INTS9: variants seen among roughly 807,000 people sequenced by gnomAD.
The protein encoded by INTS9 is protein related to CPSF subunits of 74 kDa.
Under a neutral mutation model 79.7 loss-of-function variants are expected in INTS9, and 55 were observed. The ratio of observed to expected loss-of-function variants is 0.69; its 90% CI spans 0.56 to 0.86. The LOEUF (loss-of-function observed/expected upper bound fraction) is 0.86, where lower values mean the gene tolerates loss of function less well. INTS9 is among the 40% of genes least tolerant of loss of function. The pLI is 0.00. For synonymous variants in INTS9, 319 were observed against 325.2 expected, an observed-to-expected ratio of 0.98 and a Z score of 0.20; for missense variants, 721 against 831.5, an observed-to-expected ratio of 0.87 and a Z score of 1.64.
At chr8:28,817,898 T>C (rs1395929057) in intron 6 of INTS9, among the ~76,000 whole-genome samples, 4 of 151,538 alleles carry the variant, frequency 2.6e-5, no homozygotes, top group African/African-American at 9.7e-5. Context: ...TTCCTAGGTA[T>C]TTTATTCTCT....
chr8:28,776,165 A>C, intron 13 of INTS9: 1 of 422,982 alleles, frequency 2.4e-6, no homozygotes, highest in Non-Finnish European at 4.2e-6. Flanking sequence ...TATCTTTCTT[A>C]CTCTTTACAT....
chr8:28,878,476 C>CT (rs1209030706), intron 1 of INTS9, among the ~76,000 whole-genome samples: 7 of 144,886 alleles, frequency 4.8e-5, no homozygotes, highest in African/African-American at 7.9e-5. Flanking sequence ...CCACATCCAG[C>CT]TAAAAAAAAA....
At chr8:28,881,830 T>TG (rs1485850884) in intron 1 of INTS9, among the ~76,000 whole-genome samples, 36 of 87,846 alleles carry the variant, frequency 4.1e-4, no homozygotes, top group East Asian at 1.1e-3. Flanking sequence ...GGGAGGGTGG[T>TG]GGGGGGGTCA....
chr8:28,811,404 A>C (rs1245399232), intron 8 of INTS9, among the ~76,000 whole-genome samples: 1 of 150,428 alleles, frequency 6.6e-6, no homozygotes, highest in Non-Finnish European at 1.5e-5. Flanking sequence ...GATTACAGGC[A>C]TGAGCCACCA....
chr8:28,835,170 A>C (rs1175043931), intron 6 of INTS9, 122 bp downstream of exon 6: 1 of 664,384 alleles, frequency 1.5e-6, no homozygotes, highest in Non-Finnish European at 2.5e-6. Context: ...ATGTATTAGG[A>C]AAAAGAGAAT....
intron 16 of INTS9, among the ~76,000 whole-genome samples, chr8:28,768,711 C>T (rs1802352783): frequency 6.6e-6 from 1 of 152,250 alleles, no homozygotes; most frequent in African/African-American, 2.4e-5. Context: ...CCCTGTGGGA[C>T]TTGGCAGAGC....
At chr8:28,834,886 A>C (rs1423706070) in intron 6 of INTS9, among the ~76,000 whole-genome samples, 1 of 152,172 alleles carries the variant, frequency 6.6e-6, no homozygotes, top group Non-Finnish European at 1.5e-5. Context: ...CATGTTGGTC[A>C]GGCTGGTCTC....
At chr8:28,773,638 G>A (rs1802701346) in intron 14 of INTS9, among the ~76,000 whole-genome samples, 1 of 150,760 alleles carries the variant, frequency 6.6e-6, no homozygotes, top group African/African-American at 2.4e-5. Flanking sequence ...TGCAACCTCA[G>A]CCTCCCGAGT....
chr8:28,850,074 C>T, intron 3 of INTS9, 139 bp downstream of exon 3: 1 of 621,664 alleles, frequency 1.6e-6, no homozygotes, highest in Admixed American at 2.6e-5. Context: ...TTCTGAAGAC[C>T]CTAGCATAGA....
rs1483626208 is a variant in INTS9 at position 28,878,488 on chromosome 8, A to AC, written c.9+11385_9+11386insG. Reference sequence around the variant, plus strand: ...CCACCACATCCAGCTAAAAAAAAAAAAAAATTGTTTTTTTGTAGAGACAGG... The same window carrying AC: ...CCACCACATCCAGCTAAAAAAAAAAACAAAATTGTTTTTTTGTAGAGACAGG... On this transcript the variant is annotated intron_variant, in intron 1 of 16. Coordinates refer to ENST00000521022, the MANE Select transcript of INTS9 (RefSeq NM_018250.4). Among the ~76,000 whole-genome samples the AC allele has an allele frequency of 2.1e-4, 32 of 151,952 alleles. No homozygotes were observed. The East Asian group carries it at 6.2e-3, about 30-fold the overall frequency.
chr8:28,818,540 T>C (rs1408874470), intron 6 of INTS9, among the ~76,000 whole-genome samples: 1 of 152,226 alleles, frequency 6.6e-6, no homozygotes, highest in African/African-American at 2.4e-5. Flanking sequence ...GATGTGATGC[T>C]GGATTCGGTT....
chr8:28,831,344 C>T (rs1377110951), intron 6 of INTS9, among the ~76,000 whole-genome samples: 1 of 152,170 alleles, frequency 6.6e-6, no homozygotes, highest in African/African-American at 2.4e-5. Context: ...AGATAAACAG[C>T]TAATGCATAT....
At chr8:28,889,553 C>T (rs941527620) in intron 1 of INTS9, among the ~76,000 whole-genome samples, 6 of 152,166 alleles carry the variant, frequency 3.9e-5, no homozygotes, top group Non-Finnish European at 8.8e-5. Context: ...TATTATAACC[C>T]TCACGTGGGA....
intron 6 of INTS9, among the ~76,000 whole-genome samples, chr8:28,831,822 CT>C (rs1232967955): frequency 1.3e-5 from 2 of 152,128 alleles, no homozygotes; most frequent in Non-Finnish European, 2.9e-5. Context: ...CCTTAGCCTT[CT>C]GAGTAGCTGG....
At chr8:28,881,440 C>T (rs1809793734) in intron 1 of INTS9, among the ~76,000 whole-genome samples, 1 of 148,126 alleles carries the variant, frequency 6.8e-6, no homozygotes, top group African/African-American at 2.5e-5. Context: ...GGGGGTCAGC[C>T]CCCCGCCCGG....
At chr8:28,771,312 G>A in intron 14 of INTS9, 1 of 548,120 alleles carries the variant, frequency 1.8e-6, no homozygotes, top group Middle Eastern at 5.1e-4. Flanking sequence ...GGTGACCAGT[G>A]GCAGGAAGGA....
chr8:28,795,433 A>C (rs1247214006), intron 9 of INTS9, among the ~76,000 whole-genome samples: 1 of 152,094 alleles, frequency 6.6e-6, no homozygotes, highest in African/African-American at 2.4e-5. Context: ...TGAGGTCAGG[A>C]GTTCGAGACC....
chr8:28,835,166 T>G (rs964704436), intron 6 of INTS9, 126 bp downstream of exon 6: 11 of 639,710 alleles, frequency 1.7e-5, no homozygotes, highest in Middle Eastern at 6.0e-4. Flanking sequence ...TTTCATGTAT[T>G]AGGAAAAAGA....
At chr8:28,862,973 T>C (rs1365715219) in intron 1 of INTS9, among the ~76,000 whole-genome samples, 1 of 152,222 alleles carries the variant, frequency 6.6e-6, no homozygotes. Context: ...GGTGCAGTAA[T>C]AGAACCTATC....
Sources: allele counts gnomAD v4.1 joint callset (sites outside exome capture counted in the v4.1 genomes callset), GRCh38; gene constraint gnomAD v4.1.1; transcripts MANE v1.5; gene names NCBI Gene and HGNC (gene_info 2026-07-23, HGNC 2026-07-21).